The following DENND1A variants were observed in gnomAD, a reference collection of about 807,000 sequenced individuals.
DENND1A encodes DENN domain containing 1A.
DENND1A carries 51 observed loss-of-function variants against 113.7 expected under a neutral mutation model. That is an observed-to-expected ratio of 0.45 (90% CI 0.36 to 0.57). DENND1A has a LOEUF of 0.57. DENND1A is among the 20% of genes least tolerant of loss of function. The probability of loss-of-function intolerance (pLI) is 0.00; values close to 1 mark genes in which losing one functional copy is unlikely to be tolerated. For synonymous variants in DENND1A, 565 were observed against 570.8 expected (o/e 0.99, Z 0.14); for missense variants, 1,258 against 1,395.9 (o/e 0.90, Z 1.57).
chr9:123,523,738 G>A (rs1479089306), intron 13 of DENND1A, among the ~76,000 whole-genome samples: 3 of 152,226 alleles, frequency 2.0e-5, no homozygotes, highest in Non-Finnish European at 4.4e-5. Context: ...TTGGAAATGA[G>A]AATATGATTC....
At chr9:123,535,473 C>T (rs1344267202) in intron 13 of DENND1A, among the ~76,000 whole-genome samples, 2 of 151,340 alleles carry the variant, frequency 1.3e-5, no homozygotes, top group African/African-American at 4.9e-5. Context: ...TTGAAACTCT[C>T]TTCCCCAGCC....
chr9:123,916,371 C>CTTTTTTTTTTTTT (rs545019678), intron 1 of DENND1A, among the ~76,000 whole-genome samples: 1 of 126,666 alleles, frequency 7.9e-6, no homozygotes. Context: ...TACGTATTTG[C>CTTTTTTTTTTTTT]TTTTTTTTTT....
intron 1 of DENND1A, among the ~76,000 whole-genome samples, chr9:123,921,921 T>C (rs539110501): frequency 7.9e-5 from 12 of 151,630 alleles, no homozygotes; most frequent in African/African-American, 2.2e-4. Context: ...CCTTTTTTTT[T>C]TTTTTCTTTT....
rs1444042042 is a variant in DENND1A, at chr9:123,553,959, C to T, written c.993+3611G>A. On this transcript the variant is annotated intron_variant, in intron 13 of 23. Transcript: ENST00000394215. ...TTTTAGTAGAGACAGGATGTCACCA[C>T]GTTGGCCAGGATGGTCTCAATCTCT... Among the ~76,000 whole-genome samples the T allele has an allele frequency of 2.6e-5, 4 of 152,154 alleles. No individual in the cohort carries two copies. The South Asian group carries it at 6.2e-4, about 24-fold the overall frequency.
chr9:123,765,487 A>G (rs571119820), intron 4 of DENND1A, among the ~76,000 whole-genome samples: 1 of 152,336 alleles, frequency 6.6e-6, no homozygotes, highest in South Asian at 2.1e-4. Flanking sequence ...CATCCTGACC[A>G]TTAAATGATG....
chr9:123,871,317 C>A (rs1189194586), intron 2 of DENND1A, among the ~76,000 whole-genome samples: 1 of 152,148 alleles, frequency 6.6e-6, no homozygotes, highest in African/African-American at 2.4e-5. Flanking sequence ...CTCCTGAGCT[C>A]CAGCAATCCA....
chr9:123,710,240 A>G (rs936158900), intron 5 of DENND1A, among the ~76,000 whole-genome samples: 1 of 152,222 alleles, frequency 6.6e-6, no homozygotes, highest in African/African-American at 2.4e-5. Context: ...AAAATCTAAG[A>G]AAAGGTAATA....
intron 19 of DENND1A, among the ~76,000 whole-genome samples, chr9:123,412,697 C>A (rs1302172665): frequency 6.6e-6 from 1 of 152,202 alleles, no homozygotes; most frequent in East Asian, 1.9e-4. Flanking sequence ...GCCTGCCTGT[C>A]TTGATGCTCT....
At chr9:123,924,458 T>C (rs1389013542) in intron 1 of DENND1A, among the ~76,000 whole-genome samples, 2 of 151,976 alleles carry the variant, frequency 1.3e-5, no homozygotes, top group Admixed American at 1.3e-4. Context: ...CATCAGGAGT[T>C]TGAGACTAGC....
rs1421000573 is a variant in DENND1A, at chr9:123,764,796, G to A, written c.182+4718C>T. 6.6e-6 allele frequency among the ~76,000 whole-genome samples: 1 copy of A among 152,152 alleles called. No individual in the cohort carries two copies. The highest frequency in any genetic ancestry group is 1.5e-5 in the Non-Finnish European group (1 of 68,040). ...CCATGAAAAAATGAAGAACCTCAGG[G>A]GAGAAGTCACTTGCCTCACAGCACA... On this transcript the variant is annotated intron_variant, in intron 4 of 23. Coordinates refer to ENST00000394215, the MANE Select transcript of DENND1A (RefSeq NM_001352964.2). This position sits in a 1 kb window ranked among gnomAD's most constrained non-coding sequence, Gnocchi z 4.1.
At chr9:123,486,038 A>G (rs1305519391) in intron 13 of DENND1A, among the ~76,000 whole-genome samples, 3 of 152,112 alleles carry the variant, frequency 2.0e-5, no homozygotes, top group Non-Finnish European at 4.4e-5. Context: ...CACTGGCTGC[A>G]TGGTGGGGTG....
intron 13 of DENND1A, among the ~76,000 whole-genome samples, chr9:123,471,635 G>A (rs1337050321): frequency 6.6e-6 from 1 of 152,218 alleles, no homozygotes; most frequent in African/African-American, 2.4e-5. Flanking sequence ...GTGGCTGCAC[G>A]TTGACTTCTC....
intron 10 of DENND1A, among the ~76,000 whole-genome samples, chr9:123,628,139 A>C (rs1207292279): frequency 6.6e-6 from 1 of 151,862 alleles, no homozygotes; most frequent in African/African-American, 2.4e-5. Context: ...TCTCTGAGGG[A>C]GTAAATTAAT....
chr9:123,845,594 T>G (rs1842473123), intron 2 of DENND1A, among the ~76,000 whole-genome samples: 1 of 139,676 alleles, frequency 7.2e-6, no homozygotes, highest in African/African-American at 2.7e-5. Context: ...TGTTTGAGCC[T>G]GGGAAGTTGA....
intron 18 of DENND1A, among the ~76,000 whole-genome samples, chr9:123,444,591 T>C (rs548492816): frequency 6.6e-5 from 10 of 152,154 alleles, no homozygotes; most frequent in African/African-American, 2.4e-4. Flanking sequence ...GAGGCAGAGG[T>C]TGCAGTGAGC....
At chr9:123,645,784 C>T (rs2062287516) in intron 9 of DENND1A, among the ~76,000 whole-genome samples, 1 of 152,220 alleles carries the variant, frequency 6.6e-6, no homozygotes, top group African/African-American at 2.4e-5. Context: ...AAGGAACAGT[C>T]CACTTCACCA....
At chr9:123,732,683 AAAAATAG>A (rs2068263090) in intron 5 of DENND1A, among the ~76,000 whole-genome samples, 1 of 152,240 alleles carries the variant, frequency 6.6e-6, no homozygotes, top group African/African-American at 2.4e-5. Context: ...AATTAAAAAT[AAAAATAG>A]AAAAGTCTCA....
intron 5 of DENND1A, among the ~76,000 whole-genome samples, chr9:123,743,375 T>C (rs545372922): frequency 1.3e-5 from 2 of 151,240 alleles, no homozygotes; most frequent in Admixed American, 1.3e-4. Flanking sequence ...CACTCCAGCC[T>C]GAGCGATGGA....
chr9:123,811,656 G>A (rs949589215), intron 2 of DENND1A, among the ~76,000 whole-genome samples: 2 of 152,186 alleles, frequency 1.3e-5, no homozygotes, highest in African/African-American at 4.8e-5. Context: ...CTACTTGGGA[G>A]GCTGAGGCAG....
Sources: allele counts gnomAD v4.1 joint callset (sites outside exome capture counted in the v4.1 genomes callset), GRCh38; gene constraint gnomAD v4.1.1; non-coding constraint Gnocchi (gnomAD v3.1); transcripts MANE v1.5; gene names NCBI Gene and HGNC (gene_info 2026-07-23, HGNC 2026-07-21).